UNC80: variants seen among roughly 807,000 people sequenced by gnomAD.
The protein encoded by UNC80 is protein unc-80 homolog.
UNC80 carries 164 observed loss-of-function variants against 384.6 expected under a neutral mutation model. That is an observed-to-expected ratio of 0.43 (90% CI 0.38 to 0.49). The LOEUF is 0.49. Ranked by LOEUF, UNC80 falls within the 20% of genes least tolerant of loss-of-function variation. The pLI, the probability that UNC80 is intolerant of heterozygous loss-of-function variation, is 0.00. For synonymous variants in UNC80, 1,486 were observed against 1,527.8 expected (o/e 0.97, Z 0.64); for missense variants, 3,330 against 4,143.0 (o/e 0.80, Z 5.39).
intron 7 of UNC80, among the ~76,000 whole-genome samples, chr2:209,809,980 C>A (rs983426045): frequency 6.6e-6 from 1 of 152,176 alleles, no homozygotes; most frequent in African/African-American, 2.4e-5. Context: ...GGGGACCCTC[C>A]CCACTCCTTC....
chr2:209,819,294 G>T, intron 12 of UNC80, 33 bp downstream of exon 12: 2 of 1,526,180 alleles, frequency 1.3e-6, no homozygotes, highest in East Asian at 2.5e-5. Flanking sequence ...ACCAAAGTTA[G>T]ACAGATATTA....
chr2:209,934,499 C>T (rs181321067), intron 39 of UNC80, among the ~76,000 whole-genome samples: 12 of 152,264 alleles, frequency 7.9e-5, no homozygotes, highest in Middle Eastern at 3.4e-3. Flanking sequence ...CTTCGGATAG[C>T]TTGTTTTGCC....
rs1011535133 is a variant in UNC80 at position 209,776,988 on chromosome 2, A to G, written c.299-270A>G. On this transcript the variant is annotated intron_variant, in intron 3 of 64. Coordinates refer to ENST00000673920, the MANE Select transcript of UNC80 (RefSeq NM_001371986.1). Reference sequence around the variant, plus strand: ...AGGATTGCTTTTATCTTCAGAGTCTATATTTTTAACCACTACGCTGCCTAT... The same window carrying G: ...AGGATTGCTTTTATCTTCAGAGTCTGTATTTTTAACCACTACGCTGCCTAT... Among the ~76,000 whole-genome samples the G allele has an allele frequency of 9.9e-5, 15 of 152,244 alleles. No homozygotes were observed. In the East Asian group the frequency reaches 1.2e-3, roughly 12 times the overall value.
chr2:209,821,477 A>G lies in UNC80; in HGVS notation c.2331+798A>G, dbSNP rs79356137. On this transcript the variant is annotated intron_variant, in intron 13 of 64. Coordinates refer to ENST00000673920, the MANE Select transcript of UNC80 (RefSeq NM_001371986.1). ...TAAAATTATTTCTTTTAAGTAACAC[A>G]TTTTTGGCAGCCAGCTTCAACCACA... 5.9e-5 allele frequency among the ~76,000 whole-genome samples: 9 copies of G among 152,336 alleles called. No individual in the cohort carries two copies. In the East Asian group the frequency reaches 1.5e-3, roughly 26 times the overall value.
intron 5 of UNC80, among the ~76,000 whole-genome samples, chr2:209,788,664 A>G (rs2077609027): frequency 6.7e-6 from 1 of 149,676 alleles, no homozygotes; most frequent in Non-Finnish European, 1.5e-5. Flanking sequence ...GAATAAAGTT[A>G]TAAAGAAATC....
At chr2:209,830,659 A>C (rs531945437) in intron 15 of UNC80, among the ~76,000 whole-genome samples, 2 of 152,320 alleles carry the variant, frequency 1.3e-5, no homozygotes, top group East Asian at 1.9e-4. Context: ...GCCCTTTGTC[A>C]CATTTCACAG....
At chr2:209,852,269 C>A (rs1056840617) in intron 22 of UNC80, among the ~76,000 whole-genome samples, 1 of 151,882 alleles carries the variant, frequency 6.6e-6, no homozygotes, top group Non-Finnish European at 1.5e-5. Flanking sequence ...TTCAGAGGTC[C>A]AAATTCCAGA....
rs1574382214 is a variant in UNC80 at position 209,773,018 on chromosome 2, G to GA, written c.93-71dup. 4 of 1,239,596 alleles carry GA rather than the reference G, an allele frequency of 3.2e-6. No homozygotes were observed. In the East Asian group the frequency reaches 7.6e-5, roughly 24 times the overall value. 76.8% of individuals were successfully genotyped at this position (1,239,596 alleles called of 1,614,324 possible). On this transcript the variant is annotated intron_variant, in intron 1 of 64. Coordinates refer to ENST00000673920, the MANE Select transcript of UNC80 (RefSeq NM_001371986.1). ...TTCATAGCATCCTGTCTTATTCATT[G>GA]AAAAATACGTCACAAGGATGCTTTA...
chr2:209,995,236 T>A, intron 64 of UNC80, 93 bp from the exon 65 acceptor site: 1 of 1,467,310 alleles, frequency 6.8e-7, no homozygotes, highest in South Asian at 1.4e-5. Flanking sequence ...ATCTGATTCC[T>A]TTTCCAATTA....
chr2:209,868,955 G>A (rs573491919), intron 22 of UNC80: 2 of 152,124 alleles, frequency 1.3e-5, no homozygotes, highest in Non-Finnish European at 2.9e-5. Context: ...AGGGATCTGG[G>A]CAGACATGTT....
In UNC80 at chr2:209,997,004, T is replaced by C. The variant is rs529748996; in HGVS notation, c.*1409T>C. On this transcript the variant is annotated 3_prime_UTR_variant, in exon 65 of 65. Coordinates refer to ENST00000673920, the MANE Select transcript of UNC80 (RefSeq NM_001371986.1). ...TCTGTATGCTTAAACTTTGAGTGCGTTGGCTGTGAAATGTATACATATATA... is the reference window on the plus strand; with the variant it reads ...TCTGTATGCTTAAACTTTGAGTGCGCTGGCTGTGAAATGTATACATATATA... 2 of 152,278 alleles carry C rather than the reference T, an allele frequency of 1.3e-5. No individual in the cohort carries two copies. Among genetic ancestry groups the C allele is most frequent in the East Asian group, 3.9e-4 (2 of 5,180 alleles). The allele number at this position is 152,278 out of a possible 1,614,324, so 9.4% of individuals were successfully genotyped here. A position where few individuals can be genotyped will look rare whatever the true frequency, so the allele number is the denominator to read the frequency against.
chr2:209,959,669 C>T lies in UNC80; in HGVS notation c.7767C>T (p.Val2589=). The T allele has an allele frequency of 6.4e-7, 1 of 1,551,662 alleles. No homozygotes were observed. Among genetic ancestry groups the T allele is most frequent in the Non-Finnish European group, 8.7e-7 (1 of 1,146,982 alleles). The change falls in exon 51 of 65, where the codon GTC becomes GTT. Residue 2589 remains valine, a synonymous_variant. Coordinates refer to ENST00000673920, the MANE Select transcript of UNC80 (RefSeq NM_001371986.1). ...ILQNLAGEPR[V]IALELLDVKS... is the part of the protein sequence containing the mutation. ...AAAATCTGGCTGGGGAGCCTCGGGT[C>T]ATTGCCTTGGAACTGCTGGATGTGA...
intron 23 of UNC80, among the ~76,000 whole-genome samples, chr2:209,873,977 ATGTG>A (rs3032480): frequency 4.7e-5 from 7 of 150,252 alleles, no homozygotes; most frequent in African/African-American, 9.8e-5. Context: ...ACACGTATGT[ATGTG>A]TGTGTGTGTG....
In UNC80 at chr2:209,994,142, A is replaced by G. The variant is rs1313550263; in HGVS notation, c.9586A>G (p.Thr3196Ala). 1 of 1,551,682 alleles carries G rather than the reference A, an allele frequency of 6.4e-7. No homozygotes were observed. Among genetic ancestry groups the G allele is most frequent in the South Asian group, 1.2e-5 (1 of 84,060 alleles). Reference protein sequence around the residue: ...AAAPTDALPATGQLQGCSPAP... With the variant: ...AAAPTDALPAAGQLQGCSPAP... The stretch of plus-strand genomic sequence containing the variant: ...TGCCCCAACAGATGCGCTTCCTGCA[A>G]CAGGCCAACTACAGGGCTGTAGCCC... The change falls in exon 64 of 65, where the codon ACA (threonine) becomes GCA (alanine). Residue 3196 changes from threonine to alanine, a missense_variant. Thr to Ala is a moderately conservative substitution (Grantham distance 58, BLOSUM62 0). This residue lies in a region of UNC80 where 236 missense variants were observed against 254.9 expected (regional missense o/e 0.93). Coordinates refer to ENST00000673920, the MANE Select transcript of UNC80 (RefSeq NM_001371986.1).
In UNC80 at chr2:209,967,368, T is replaced by TA. The variant is rs768408770; in HGVS notation, c.7806-62dup. ...AAGGGGTGATTAACATGTTGCTGTG[T>TA]AAAAAAATTCCTGTTGTGTAATTCT... On this transcript the variant is annotated intron_variant, in intron 51 of 64. Coordinates refer to ENST00000673920, the MANE Select transcript of UNC80 (RefSeq NM_001371986.1). The TA allele has an allele frequency of 1.6e-5, 20 of 1,228,662 alleles. 1 individual carries two copies. In the South Asian group the frequency reaches 2.0e-4, roughly 12 times the overall value. The allele number at this position is 1,228,662 out of a possible 1,614,324, so 76.1% of individuals were successfully genotyped here.
At chr2:209,774,248 C>A (rs941690537) in intron 2 of UNC80, among the ~76,000 whole-genome samples, 1 of 152,164 alleles carries the variant, frequency 6.6e-6, no homozygotes, top group African/African-American at 2.4e-5. Flanking sequence ...AATGTTGTCA[C>A]AAACACATTT....
chr2:209,984,737 T>A (rs1263247420), intron 60 of UNC80, 119 bp from the exon 61 acceptor site: 1 of 929,150 alleles, frequency 1.1e-6, no homozygotes, highest in Non-Finnish European at 1.6e-6. Flanking sequence ...CCTTCCTTGT[T>A]CGGTTAAATC....
rs1270543562 is a variant in UNC80, at chr2:209,829,307, A to G, written c.2554A>G (p.Lys852Glu). The G allele has an allele frequency of 6.4e-7, 1 of 1,551,348 alleles. No homozygotes were observed. Among genetic ancestry groups the G allele is most frequent in the Non-Finnish European group, 8.7e-7 (1 of 1,146,814 alleles). The change falls in exon 15 of 65, where the codon AAG (lysine) becomes GAG (glutamate). Residue 852 changes from lysine (K) to glutamate (E), a missense_variant. Physicochemically the swap from Lys to Glu is moderately conservative, Grantham distance 56. Around this residue, in one of 8 missense-constraint regions of UNC80, gnomAD observed 937 missense variants for 1,026.8 expected, o/e 0.91. Transcript: ENST00000673920. Reference protein sequence around the residue: ...FRQTMRDYVNKDSLNNVVDFL... With the variant: ...FRQTMRDYVNEDSLNNVVDFL... ...ACAAACCATGAGGGACTATGTGAAC[A>G]AGGACTCTCTCAATAATGTAGTGGA...
At chr2:209,797,597 G>A (rs542677141) in intron 7 of UNC80, among the ~76,000 whole-genome samples, 18 of 152,200 alleles carry the variant, frequency 1.2e-4, no homozygotes, top group African/African-American at 2.2e-4. Context: ...GGTTGGTTCC[G>A]TGTCTTTGCT....
Sources: gnomAD v4.1 joint callset for allele counts (sites outside exome capture counted in the v4.1 genomes callset) on GRCh38, gnomAD v4.1.1 for gene constraint, gnomAD v4.1.1 regional missense constraint, MANE v1.5 for transcripts, NCBI Gene and HGNC (gene_info 2026-07-23, HGNC 2026-07-21) for gene names.